The following PWP1 variants were observed in gnomAD, a reference collection of about 807,000 sequenced individuals.
PWP1 encodes PWP1 homolog, endonuclein.
A neutral mutation model predicts 69.9 loss-of-function variants in PWP1; 47 were observed. That is an observed-to-expected ratio of 0.67 (90% CI 0.53 to 0.86). PWP1 has a LOEUF of 0.86. PWP1 is among the 40% of genes least tolerant of loss of function. The pLI is 0.00. For synonymous variants in PWP1, 222 were observed against 208.2 expected, an observed-to-expected ratio of 1.07 and a Z score of -0.57; for missense variants, 551 against 608.8, an observed-to-expected ratio of 0.91 and a Z score of 1.00.
At chr12:107,700,905 T>C (rs941940845) in intron 8 of PWP1, among the ~76,000 whole-genome samples, 2 of 140,518 alleles carry the variant, frequency 1.4e-5, no homozygotes, top group Admixed American at 1.4e-4. Flanking sequence ...TTTCCCCCCC[T>C]TTTTTTAAGG....
intron 1 of PWP1, among the ~76,000 whole-genome samples, chr12:107,687,428 G>A (rs1448445243): frequency 6.6e-6 from 1 of 152,158 alleles, no homozygotes; most frequent in Non-Finnish European, 1.5e-5. Context: ...AAATACTGAT[G>A]TTTATGTCCC....
intron 14 of PWP1, among the ~76,000 whole-genome samples, chr12:107,711,190 G>A (rs781248031): frequency 6.6e-6 from 1 of 152,222 alleles, no homozygotes; most frequent in Non-Finnish European, 1.5e-5. Flanking sequence ...GTTAACTGCA[G>A]CAGGAACATG....
intron 2 of PWP1, 23 bp from the exon 3 acceptor site, chr12:107,688,592 T>C (rs776921120): frequency 1.9e-6 from 3 of 1,611,646 alleles, no homozygotes; most frequent in South Asian, 1.1e-5. Flanking sequence ...TGGGTGATTC[T>C]CTTTTTCTTT....
intron 8 of PWP1, among the ~76,000 whole-genome samples, chr12:107,701,757 A>AC (rs953744001): frequency 4.0e-5 from 6 of 151,856 alleles, no homozygotes; most frequent in Non-Finnish European, 8.8e-5. Flanking sequence ...AGCTCACTGC[A>AC]CCCCCCACCT....
At chr12:107,710,879 A>ATAAG (rs1195818744) in intron 14 of PWP1, among the ~76,000 whole-genome samples, 3 of 152,334 alleles carry the variant, frequency 2.0e-5, no homozygotes, top group East Asian at 3.9e-4. Context: ...ATGTTCACAA[A>ATAAG]TAAGTTTGTC....
In PWP1 at chr12:107,710,504, T is replaced by C. The variant is rs1408144522; in HGVS notation, c.1390T>C (p.Ser464Pro). ...TCGGGTCTGGGATATAAGCACAGTC[T>C]CTTCAGGTAAGGATTTTTAGTTCTC... ...GLRVWDISTVSSVNEAFGRRE... is the reference protein window; with the variant it reads ...GLRVWDISTVPSVNEAFGRRE... The change falls in exon 14 of 15, where the codon TCT (serine) becomes CCT (proline). Residue 464 changes from serine to proline, a missense_variant. Transcript: ENST00000412830. 5.0e-6 allele frequency: 8 copies of C among 1,607,978 alleles called. No homozygotes were observed. The East Asian group carries it at 1.3e-4, about 27-fold the overall frequency.
At position 107,702,403 on chromosome 12, in the gene PWP1, C is replaced by T. The variant is rs560739292; in HGVS notation, c.807-532C>T. Reference sequence around the variant, plus strand: ...TCAAGCTATTCTCGTGCCTCAGCCTCCTGAGTAACTGGGATTACAGGCATG... The same window carrying T: ...TCAAGCTATTCTCGTGCCTCAGCCTTCTGAGTAACTGGGATTACAGGCATG... On this transcript the variant is annotated intron_variant, in intron 8 of 14. Transcript: ENST00000412830. Among the ~76,000 whole-genome samples the T allele has an allele frequency of 2.0e-5, 3 of 152,136 alleles. No individual in the cohort carries two copies. The East Asian group carries it at 5.8e-4, about 30-fold the overall frequency.
intron 8 of PWP1, among the ~76,000 whole-genome samples, chr12:107,702,240 T>C (rs1440870838): frequency 7.4e-6 from 1 of 135,484 alleles, no homozygotes; most frequent in Non-Finnish European, 1.8e-5. Flanking sequence ...AATCAGCTTG[T>C]CACTTTTTTT....
chr12:107,710,111 T>G (rs920334635), intron 13 of PWP1, among the ~76,000 whole-genome samples: 1 of 152,192 alleles, frequency 6.6e-6, no homozygotes, highest in Non-Finnish European at 1.5e-5. Flanking sequence ...ACATTAGGTT[T>G]GTTAGGAAAT....
rs763769539 is a variant in PWP1 at position 107,688,738 on chromosome 12, G to A, written c.255G>A (p.Arg85=). The A allele has an allele frequency of 2.5e-6, 4 of 1,614,206 alleles. No individual in the cohort carries two copies. In the South Asian group the frequency reaches 3.3e-5, roughly 13 times the overall value. The stretch of plus-strand genomic sequence containing the variant: ...AGGATGGTGACCCAGAGGATGACAG[G>A]ACGCTTGATGATGATGAGCTGGCTG... ...PLEDGDPEDD[R]TLDDDELAEY... Residue 85 remains arginine (R), a synonymous_variant, in exon 3 of 15, where the codon AGG becomes AGA. Coordinates refer to ENST00000412830, the MANE Select transcript of PWP1 (RefSeq NM_007062.3).
At chr12:107,701,800 C>T (rs1345913698) in intron 8 of PWP1, among the ~76,000 whole-genome samples, 1 of 152,170 alleles carries the variant, frequency 6.6e-6, no homozygotes, top group Non-Finnish European at 1.5e-5. Context: ...GCCTCAGCCT[C>T]CTGAGTAGCT....
At chr12:107,703,792 TAGAAGTCATTTTA>T in intron 10 of PWP1, 46 bp downstream of exon 10, 3 of 1,524,400 alleles carry the variant, frequency 2.0e-6, no homozygotes, top group Non-Finnish European at 2.7e-6. Context: ...TTTTATCCTC[TAGAAGTCATTTTA>T]AGAGTATCAC....
At chr12:107,687,320 A>G (rs189437739) in intron 1 of PWP1, among the ~76,000 whole-genome samples, 153 of 152,358 alleles carry the variant, frequency 1.0e-3, no homozygotes, top group African/African-American at 3.6e-3. Context: ...GTTGGAGGAA[A>G]CAGTTATTAA....
At position 107,693,089 on chromosome 12, in the gene PWP1, G is replaced by A. The variant is rs17849519; in HGVS notation, c.495G>A (p.Glu165=). Residue 165 remains glutamate, a synonymous_variant, in exon 5 of 15, where the codon GAG becomes GAA. Coordinates refer to ENST00000412830, the MANE Select transcript of PWP1 (RefSeq NM_007062.3). ...CTGAACAGGACCAGTGCAATTTAGA[G>A]GTGCATGGTAAGTGATAAATCCCTT... The part of the protein sequence containing the change: ...GRAEQDQCNL[E]VHVYNQEEDS... 1 of 1,603,148 alleles carries A rather than the reference G, an allele frequency of 6.2e-7. No individual in the cohort carries two copies. Among genetic ancestry groups the A allele is most frequent in the Non-Finnish European group, 8.5e-7 (1 of 1,176,298 alleles).
At chr12:107,704,536 A>G (rs1477459303) in intron 10 of PWP1, 100 bp from the exon 11 acceptor site, 2 of 781,336 alleles carry the variant, frequency 2.6e-6, no homozygotes, top group Non-Finnish European at 2.0e-6. Flanking sequence ...CTTTAAATGA[A>G]TCTTGATTTC....
At chr12:107,690,486 C>T (rs920934162) in intron 3 of PWP1, among the ~76,000 whole-genome samples, 9 of 152,112 alleles carry the variant, frequency 5.9e-5, no homozygotes, top group Non-Finnish European at 8.8e-5. Context: ...GTGTGTGAGA[C>T]GGAGTCTTGC....
At chr12:107,702,900 A>C in intron 8 of PWP1, 35 bp from the exon 9 acceptor site, 1 of 1,365,650 alleles carries the variant, frequency 7.3e-7, no homozygotes, top group East Asian at 2.3e-5. Context: ...CTTGACTTTT[A>C]AAAGATTACC....
intron 1 of PWP1, 44 bp from the exon 2 acceptor site, chr12:107,688,404 G>T: frequency 6.5e-7 from 1 of 1,528,724 alleles, no homozygotes; most frequent in African/African-American, 1.4e-5. Context: ...ATAATTTGAT[G>T]ATTTCCTTAC....
intron 1 of PWP1, among the ~76,000 whole-genome samples, chr12:107,686,446 T>C (rs1252706062): frequency 6.6e-6 from 1 of 152,110 alleles, no homozygotes; most frequent in Non-Finnish European, 1.5e-5. Context: ...GGCTAAGATG[T>C]CGTGAGGCTG....
Sources: gnomAD v4.1 joint callset for allele counts (sites outside exome capture counted in the v4.1 genomes callset) on GRCh38, gnomAD v4.1.1 for gene constraint, MANE v1.5 for transcripts, NCBI Gene and HGNC (gene_info 2026-07-23, HGNC 2026-07-21) for gene names.